The following CCDC171 variants were observed in gnomAD, a reference collection of about 807,000 sequenced individuals.
CCDC171 encodes coiled-coil domain containing 171.
In CCDC171, 177 loss-of-function variants were observed where a neutral mutation model predicts 168.2. That is an observed-to-expected ratio of 1.05 (90% confidence interval 0.93 to 1.19). The LOEUF (loss-of-function observed/expected upper bound fraction) is 1.19, where lower values mean the gene tolerates loss of function less well. Among genes scored for constraint, CCDC171 ranks in the 50% most tolerant of loss-of-function variants. The probability of loss-of-function intolerance (pLI) is 0.00; values close to 1 mark genes in which losing one functional copy is unlikely to be tolerated. For missense variants in CCDC171, 1,991 were observed against 1,539.0 expected, an observed-to-expected ratio of 1.29 and a Z score of -4.91; for synonymous variants, 687 against 540.8, an observed-to-expected ratio of 1.27 and a Z score of -3.75.
intron 7 of CCDC171, among the ~76,000 whole-genome samples, chr9:15,646,186 C>G (rs897954612): frequency 6.6e-6 from 1 of 152,128 alleles, no homozygotes; most frequent in Non-Finnish European, 1.5e-5. Flanking sequence ...CCTTTACAGA[C>G]AAGCAAATGC....
At chr9:16,017,635 C>G (rs1235752937) in intron 3 of CCDC171, among the ~76,000 whole-genome samples, 1 of 152,124 alleles carries the variant, frequency 6.6e-6, no homozygotes, top group Non-Finnish European at 1.5e-5. Flanking sequence ...GTAGAGAATA[C>G]TTGTTTTACT....
At chr9:15,562,962 G>A (rs937971693) in intron 1 of CCDC171, among the ~76,000 whole-genome samples, 5 of 152,128 alleles carry the variant, frequency 3.3e-5, no homozygotes, top group Admixed American at 6.6e-5. Flanking sequence ...ACAGTTGAGC[G>A]TCTCTGAATC....
Position 15,601,075 on chromosome 9 carries a change from G to T in CCDC171, c.675+6903G>T, listed in dbSNP as rs563417344. Among the ~76,000 whole-genome samples the T allele has an allele frequency of 1.2e-3, 188 of 152,286 alleles. 2 individuals carry two copies. In the South Asian group the frequency reaches 0.013, roughly 11 times the overall value. Reference sequence around the variant, plus strand: ...AGGAAAGGGAATTCCCTGACCCCTTGTGCCTCCTGGGGGAGGCGATGCCTC... The same window carrying T: ...AGGAAAGGGAATTCCCTGACCCCTTTTGCCTCCTGGGGGAGGCGATGCCTC... On this transcript the variant is annotated intron_variant, in intron 6 of 25. Transcript: ENST00000380701.
chr9:15,553,536 G>A (rs141975644), intron 1 of CCDC171: 2 of 152,676 alleles, frequency 1.3e-5, no homozygotes, highest in Non-Finnish European at 2.9e-5. Context: ...GGGACCAGAG[G>A]GGAGGCAGAG....
intron 25 of CCDC171, among the ~76,000 whole-genome samples, chr9:15,934,406 GAAAAGAAAA>G (rs1826876776): frequency 7.9e-6 from 1 of 127,134 alleles, no homozygotes; most frequent in African/African-American, 2.9e-5. Context: ...AAAAAAAAAA[GAAAAGAAAA>G]GAAAGAAAAG....
At chr9:15,930,483 A>G (rs772447155) in intron 25 of CCDC171, among the ~76,000 whole-genome samples, 3 of 151,602 alleles carry the variant, frequency 2.0e-5, no homozygotes, top group Admixed American at 1.3e-4. Flanking sequence ...ATTTTCTCAG[A>G]TATTTTGGCA....
intron 7 of CCDC171, among the ~76,000 whole-genome samples, chr9:15,624,715 T>A (rs1217001049): frequency 6.6e-6 from 1 of 152,148 alleles, no homozygotes; most frequent in Non-Finnish European, 1.5e-5. Flanking sequence ...TCTATCATTG[T>A]TGGACATTTG....
chr9:15,725,568 G>C (rs2053749085), intron 14 of CCDC171, among the ~76,000 whole-genome samples: 1 of 152,044 alleles, frequency 6.6e-6, no homozygotes, highest in Admixed American at 6.6e-5. Flanking sequence ...TCCTGCCCCA[G>C]CCTCCTGAGT....
the CCDC171 span, among the ~76,000 whole-genome samples, chr9:16,087,557 CTTTTTT>C: frequency 7.6e-5 from 6 of 78,800 alleles, no homozygotes; most frequent in East Asian, 3.8e-4. Flanking sequence ...GCAACTCCTG[CTTTTTT>C]TTTTTTTTTT....
At chr9:15,872,632 C>T (rs1563914056) in intron 23 of CCDC171, among the ~76,000 whole-genome samples, 1 of 151,918 alleles carries the variant, frequency 6.6e-6, no homozygotes, top group Non-Finnish European at 1.5e-5. Context: ...CTAATAGTAT[C>T]TCATTTGGGG....
chr9:15,780,254 A>G (rs938940346), intron 20 of CCDC171, among the ~76,000 whole-genome samples: 8 of 152,204 alleles, frequency 5.3e-5, no homozygotes, highest in Non-Finnish European at 1.0e-4. Context: ...ATGTCTAAAG[A>G]CACCATAATT....
downstream of CCDC171, among the ~76,000 whole-genome samples, chr9:15,977,681 G>T (rs1254019534): frequency 6.6e-6 from 1 of 152,186 alleles, no homozygotes; most frequent in African/African-American, 2.4e-5. Context: ...AGTCCTCCCA[G>T]TGAAGCGGCT....
chr9:15,854,932 A>G (rs948877779), intron 23 of CCDC171, among the ~76,000 whole-genome samples: 1 of 151,764 alleles, frequency 6.6e-6, no homozygotes, highest in Non-Finnish European at 1.5e-5. Flanking sequence ...TTAATTTTAT[A>G]TGGATTAAAT....
chr9:15,930,025 G>A (rs986070150), intron 25 of CCDC171, among the ~76,000 whole-genome samples: 4 of 151,616 alleles, frequency 2.6e-5, no homozygotes, highest in Admixed American at 1.3e-4. Flanking sequence ...TCTGACTTAC[G>A]TAACCAATTA....
At chr9:16,102,993 A>G in the CCDC171 span, among the ~76,000 whole-genome samples, 2 of 152,242 alleles carry the variant, frequency 1.3e-5, no homozygotes, top group African/African-American at 4.8e-5. Flanking sequence ...CGGATTGAGC[A>G]GGCAGAAAAC....
chr9:15,573,694 C>G (rs1331859780), intron 3 of CCDC171, among the ~76,000 whole-genome samples: 1 of 152,160 alleles, frequency 6.6e-6, no homozygotes, highest in African/African-American at 2.4e-5. Context: ...AACTCTAAAA[C>G]TTGTTTTTTT....
chr9:16,001,107 C>G (rs1322853390), intron 3 of CCDC171, among the ~76,000 whole-genome samples: 1 of 152,156 alleles, frequency 6.6e-6, no homozygotes, highest in Non-Finnish European at 1.5e-5. Flanking sequence ...GCTGAACTTT[C>G]TAGTGACTCA....
chr9:15,562,668 G>A (rs1291046273), intron 1 of CCDC171, among the ~76,000 whole-genome samples: 1 of 152,250 alleles, frequency 6.6e-6, no homozygotes, highest in Non-Finnish European at 1.5e-5. Context: ...GTAAATAGAG[G>A]TCTGTTTATG....
At chr9:16,017,471 C>T (rs1360756383) in intron 3 of CCDC171, among the ~76,000 whole-genome samples, 1 of 152,072 alleles carries the variant, frequency 6.6e-6, no homozygotes, top group Non-Finnish European at 1.5e-5. Context: ...TAGTGAACCT[C>T]ATAGTCCATA....
Sources: allele counts gnomAD v4.1 joint callset (sites outside exome capture counted in the v4.1 genomes callset), GRCh38; gene constraint gnomAD v4.1.1; transcripts MANE v1.5; gene names NCBI Gene and HGNC (gene_info 2026-07-23, HGNC 2026-07-21).